Variants in FHIT observed in about 807,000 individuals in gnomAD.
FHIT encodes the protein bis(5'-adenosyl)-triphosphatase.
FHIT carries 19 observed loss-of-function variants against 17.9 expected under a neutral mutation model. That is an observed-to-expected ratio of 1.06 (90% CI 0.74 to 1.56). The LOEUF is 1.56. Ranked by LOEUF, FHIT falls within the 40% of genes most tolerant of loss-of-function variation. The pLI is 0.00. For missense variants in FHIT, 248 were observed against 189.2 expected (o/e 1.31, Z -1.82); for synonymous variants, 81 against 69.7 (o/e 1.16, Z -0.81).
intron 5 of FHIT, among the ~76,000 whole-genome samples, chr3:60,305,771 T>C (rs1459900259): frequency 6.6e-6 from 1 of 152,104 alleles, no homozygotes; most frequent in Non-Finnish European, 1.5e-5. Flanking sequence ...TTTGGAGGTG[T>C]CTGCAGTCAT....
chr3:60,233,757 G>C (rs1353588481), intron 5 of FHIT, among the ~76,000 whole-genome samples: 1 of 152,092 alleles, frequency 6.6e-6, no homozygotes, highest in Non-Finnish European at 1.5e-5. Context: ...ATGGGGGCAG[G>C]TCTTTCCCAT....
intron 4 of FHIT, among the ~76,000 whole-genome samples, chr3:60,545,942 C>T (rs1392032904): frequency 3.3e-5 from 5 of 152,146 alleles, no homozygotes; most frequent in East Asian, 3.8e-4. Context: ...CAATGTCTAA[C>T]GCCATAAATT....
At chr3:60,853,598 A>G (rs534851545) in intron 3 of FHIT, among the ~76,000 whole-genome samples, 2 of 152,182 alleles carry the variant, frequency 1.3e-5, no homozygotes, top group South Asian at 4.1e-4. Flanking sequence ...TAATAAATTC[A>G]GGGGGAAGCA....
intron 7 of FHIT, among the ~76,000 whole-genome samples, chr3:59,978,723 G>A (rs1708520676): frequency 6.7e-6 from 1 of 149,114 alleles, no homozygotes; most frequent in Non-Finnish European, 1.5e-5. Context: ...AATTTTGGAG[G>A]TTTCAAAGTG....
chr3:60,042,492 G>A (rs1701481707), intron 5 of FHIT, among the ~76,000 whole-genome samples: 1 of 152,202 alleles, frequency 6.6e-6, no homozygotes, highest in Admixed American at 6.5e-5. Flanking sequence ...GAAGGAGGAT[G>A]TGTTCCAGGA....
chr3:60,149,690 G>C (rs1700377361), intron 5 of FHIT, among the ~76,000 whole-genome samples: 1 of 151,894 alleles, frequency 6.6e-6, no homozygotes, highest in Non-Finnish European at 1.5e-5. Flanking sequence ...CCTCCTCTCA[G>C]TCTATAAGGT....
intron 5 of FHIT, among the ~76,000 whole-genome samples, chr3:60,381,862 A>G (rs1435948800): frequency 6.6e-6 from 1 of 152,136 alleles, no homozygotes; most frequent in Non-Finnish European, 1.5e-5. Context: ...ACCCACAGTA[A>G]ACAATCCCAA....
intron 7 of FHIT, among the ~76,000 whole-genome samples, chr3:59,961,369 C>T (rs1358689543): frequency 1.3e-5 from 2 of 152,006 alleles, no homozygotes; most frequent in African/African-American, 4.8e-5. Context: ...TTAACTAACA[C>T]CTGGTTCCAT....
chr3:61,029,918 C>T (rs2032927625), intron 3 of FHIT, among the ~76,000 whole-genome samples: 1 of 152,212 alleles, frequency 6.6e-6, no homozygotes. Context: ...CTTGTTAGAA[C>T]CTCAGGCTCT....
At chr3:60,711,569 G>C (rs561550034) in intron 4 of FHIT, among the ~76,000 whole-genome samples, 1 of 152,330 alleles carries the variant, frequency 6.6e-6, no homozygotes, top group Non-Finnish European at 1.5e-5. Context: ...CCAATACAGA[G>C]AAGTGCTTAA....
At chr3:59,782,924 A>G (rs992035545) in intron 8 of FHIT, among the ~76,000 whole-genome samples, 15 of 152,040 alleles carry the variant, frequency 9.9e-5, no homozygotes, top group African/African-American at 2.4e-5. Context: ...GAATTTCAAC[A>G]CACTTGCTGT....
intron 7 of FHIT, among the ~76,000 whole-genome samples, chr3:59,961,955 C>A (rs1162689426): frequency 6.6e-6 from 1 of 152,158 alleles, no homozygotes; most frequent in Non-Finnish European, 1.5e-5. Context: ...CCTTCCCCTA[C>A]AATCCTCAGG....
At chr3:61,196,429 A>T (rs1274584349) in intron 2 of FHIT, among the ~76,000 whole-genome samples, 2 of 149,976 alleles carry the variant, frequency 1.3e-5, no homozygotes, top group East Asian at 1.9e-4. Flanking sequence ...ACTTGCTTTT[A>T]AAAAAAAAAG....
chr3:60,408,720 T>C (rs1165974314), intron 5 of FHIT, among the ~76,000 whole-genome samples: 1 of 152,162 alleles, frequency 6.6e-6, no homozygotes, highest in Non-Finnish European at 1.5e-5. Context: ...TTTCCTAAGA[T>C]CTAATGTGAT....
chr3:61,166,004 T>C (rs889850290), intron 2 of FHIT, among the ~76,000 whole-genome samples: 77 of 152,124 alleles, frequency 5.1e-4, no homozygotes, highest in African/African-American at 1.8e-3. Flanking sequence ...GAACCCAGGG[T>C]TGGAAGAAAC....
chr3:59,942,161 T>C (rs1706553323), intron 7 of FHIT, among the ~76,000 whole-genome samples: 1 of 152,176 alleles, frequency 6.6e-6, no homozygotes, highest in Non-Finnish European at 1.5e-5. Flanking sequence ...CCACACTTGG[T>C]TTCTCTGACC....
chr3:60,636,255 G>C (rs1268109493), intron 4 of FHIT, among the ~76,000 whole-genome samples: 5 of 152,072 alleles, frequency 3.3e-5, no homozygotes, highest in African/African-American at 1.2e-4. Context: ...ATTTTTAGTA[G>C]AGATGGGGTT....
intron 2 of FHIT, among the ~76,000 whole-genome samples, chr3:61,161,711 G>T (rs1054720558): frequency 3.3e-5 from 5 of 152,152 alleles, no homozygotes; most frequent in Non-Finnish European, 7.3e-5. Context: ...TTACTGAGAA[G>T]TCAGACACAT....
At chr3:60,537,171 C>A (rs1353532072) in intron 4 of FHIT, among the ~76,000 whole-genome samples, 192 bp from the exon 5 acceptor site, 1 of 152,014 alleles carries the variant, frequency 6.6e-6, no homozygotes, top group Non-Finnish European at 1.5e-5. Context: ...CTCTCCCTAC[C>A]AGTGTTTCCT....
Sources: gnomAD v4.1 joint callset for allele counts (sites outside exome capture counted in the v4.1 genomes callset) on GRCh38, gnomAD v4.1.1 for gene constraint, MANE v1.5 for transcripts, NCBI Gene and HGNC (gene_info 2026-07-23, HGNC 2026-07-21) for gene names.